Variants in KIF6 observed in about 807,000 individuals in gnomAD.
The protein encoded by KIF6 is kinesin family member 6, also known as kinesin-like protein KIF6.
Under a neutral mutation model 112.7 loss-of-function variants are expected in KIF6, and 106 were observed. That is an observed-to-expected ratio of 0.94 (90% CI 0.80 to 1.11). The LOEUF is 1.11. Ranked by LOEUF, KIF6 falls within the 50% of genes least tolerant of loss-of-function variation. KIF6 has a pLI of 0.00. For missense variants in KIF6, 929 were observed against 964.0 expected, an observed-to-expected ratio of 0.96 and a Z score of 0.48; for synonymous variants, 339 against 339.9, an observed-to-expected ratio of 1.00 and a Z score of 0.03.
At chr6:39,383,135 G>C (rs1188413118) in intron 16 of KIF6, among the ~76,000 whole-genome samples, 3 of 152,072 alleles carry the variant, frequency 2.0e-5, no homozygotes, top group Non-Finnish European at 2.9e-5. Context: ...TCTGTTGAGA[G>C]CTTCTTTTGC....
intron 3 of KIF6, among the ~76,000 whole-genome samples, chr6:39,647,025 T>C (rs1785203235): frequency 6.6e-6 from 1 of 152,236 alleles, no homozygotes; most frequent in Non-Finnish European, 1.5e-5. Flanking sequence ...ACTGTTTCAC[T>C]TTCAGAATAT....
At chr6:39,586,948 TGA>T (rs953930407) in intron 7 of KIF6, among the ~76,000 whole-genome samples, 5 of 152,132 alleles carry the variant, frequency 3.3e-5, no homozygotes, top group African/African-American at 1.2e-4. Flanking sequence ...CACAGGTAGT[TGA>T]GATGATTAAA....
chr6:39,714,934 G>A (rs936723217), intron 2 of KIF6, 168 bp from the exon 3 acceptor site: 10 of 591,440 alleles, frequency 1.7e-5, no homozygotes, highest in East Asian at 2.9e-5. Flanking sequence ...CTGTGCTGTT[G>A]TACTCCTGTA....
intron 13 of KIF6, among the ~76,000 whole-genome samples, chr6:39,440,907 A>G (rs1302754787): frequency 1.3e-5 from 2 of 152,214 alleles, no homozygotes; most frequent in Non-Finnish European, 2.9e-5. Context: ...ACAAGCCAGC[A>G]GCTTTGACGA....
intron 13 of KIF6, among the ~76,000 whole-genome samples, chr6:39,460,076 T>C: frequency 6.7e-6 from 1 of 149,220 alleles, no homozygotes; most frequent in East Asian, 2.0e-4. Flanking sequence ...CATGCACACG[T>C]ATGTTTATTG....
At chr6:39,358,287 C>T (rs1442477921) in intron 18 of KIF6, among the ~76,000 whole-genome samples, 1 of 152,242 alleles carries the variant, frequency 6.6e-6, no homozygotes, top group Non-Finnish European at 1.5e-5. Context: ...TTCTTGTCAC[C>T]TCTCTTGTTC....
intron 13 of KIF6, among the ~76,000 whole-genome samples, chr6:39,487,455 CA>C (rs1419153945): frequency 6.6e-6 from 1 of 152,164 alleles, no homozygotes; most frequent in Admixed American, 6.5e-5. Flanking sequence ...TCTGGAAGGC[CA>C]CCCTTTAGCT....
chr6:39,603,140 T>A (rs578245499), intron 6 of KIF6, among the ~76,000 whole-genome samples: 1 of 152,282 alleles, frequency 6.6e-6, no homozygotes, highest in South Asian at 2.1e-4. Context: ...CAAGTGAGTG[T>A]TTGGCGTCCT....
At chr6:39,379,193 TC>T (rs1320345137) in intron 16 of KIF6, among the ~76,000 whole-genome samples, 1 of 152,230 alleles carries the variant, frequency 6.6e-6, no homozygotes, top group Non-Finnish European at 1.5e-5. Context: ...TCTGGGTGCC[TC>T]TTTTTTGCTT....
At chr6:39,504,304 T>C (rs1194532911) in intron 13 of KIF6, among the ~76,000 whole-genome samples, 1 of 152,128 alleles carries the variant, frequency 6.6e-6, no homozygotes, top group African/African-American at 2.4e-5. Context: ...TAAAATTCAA[T>C]ATCCCTTCAT....
chr6:39,467,627 A>G lies in KIF6; in HGVS notation c.1646-36466T>C, dbSNP rs1005036176. ...CTAAGGGAAATTAGACTTCACTGAG[A>G]TAGTCCATCCAAGCCACTAGACGAA... On this transcript the variant is annotated intron_variant, in intron 13 of 22. Coordinates refer to ENST00000287152, the MANE Select transcript of KIF6 (RefSeq NM_145027.6). Among the ~76,000 whole-genome samples, 4 of 152,338 alleles carry G rather than the reference A, an allele frequency of 2.6e-5. No homozygotes were observed. In the East Asian group the frequency reaches 7.7e-4, roughly 29 times the overall value.
intron 16 of KIF6, among the ~76,000 whole-genome samples, chr6:39,377,480 G>A (rs146620525): frequency 1.2e-4 from 19 of 152,258 alleles, no homozygotes; most frequent in African/African-American, 4.6e-4. Context: ...GGAATAAATG[G>A]TTGACAGTCT....
At chr6:39,363,136 A>T (rs1214311501) in intron 16 of KIF6, among the ~76,000 whole-genome samples, 1 of 152,178 alleles carries the variant, frequency 6.6e-6, no homozygotes, top group Non-Finnish European at 1.5e-5. Context: ...GCAACAAGAG[A>T]GAAACTCCAT....
intron 16 of KIF6, among the ~76,000 whole-genome samples, chr6:39,362,848 C>T (rs1765266921): frequency 6.6e-6 from 1 of 152,184 alleles, no homozygotes; most frequent in South Asian, 2.1e-4. Flanking sequence ...TCCCCATCCT[C>T]TGATAAAGAG....
At chr6:39,437,449 T>C (rs994747597) in intron 13 of KIF6, among the ~76,000 whole-genome samples, 4 of 152,208 alleles carry the variant, frequency 2.6e-5, no homozygotes, top group African/African-American at 9.7e-5. Flanking sequence ...GCACACAAAA[T>C]ATCTTTTGAA....
chr6:39,560,368 C>T (rs547219679), intron 10 of KIF6, among the ~76,000 whole-genome samples: 10 of 152,174 alleles, frequency 6.6e-5, no homozygotes, highest in African/African-American at 2.4e-4. Context: ...CCTTAGGGGG[C>T]CAGAATTTGT....
At chr6:39,716,116 G>A (rs2113883495) in intron 2 of KIF6, among the ~76,000 whole-genome samples, 1 of 152,232 alleles carries the variant, frequency 6.6e-6, no homozygotes, top group Non-Finnish European at 1.5e-5. Context: ...AAATAAAAGA[G>A]ATAGCAGAAG....
chr6:39,714,759 T>C lies in KIF6; in HGVS notation c.184A>G (p.Arg62Gly), dbSNP rs1315277372. The C allele has an allele frequency of 6.2e-7, 1 of 1,608,682 alleles. No individual in the cohort carries two copies. The highest frequency in any genetic ancestry group is 2.2e-5 in the East Asian group (1 of 44,838). The change falls in exon 3 of 23, where the codon AGA becomes GGA. Residue 62 changes from arginine (R) to glycine (G), a missense_variant. By Grantham distance (125) the Arg-to-Gly change is moderately radical. Transcript: ENST00000287152. ...TGGTTTGCATCCTGATCAAAAATTC[T>C]TTGAAATCTGCAATGTGAAAAATAG... ...KRESYKFKFQ[R>G]IFDQDANQET... is the part of the protein sequence containing the mutation.
At position 39,518,243 on chromosome 6, in the gene KIF6, C is replaced by T. The variant is rs114667583; in HGVS notation, c.1645+21760G>A. Among the ~76,000 whole-genome samples the T allele has an allele frequency of 4.8e-3, 734 of 152,104 alleles. 5 individuals are homozygous for T. Among genetic ancestry groups the T allele is most frequent in the African/African-American group, 0.017 (688 of 41,528 alleles). ...GGTAAGATGAAAGAGCTAGTATGTG[C>T]ACATGTGTGCCTTGTGTGTGTATGT... On this transcript the variant is annotated intron_variant, in intron 13 of 22. Transcript: ENST00000287152.
Sources: allele counts gnomAD v4.1 joint callset (sites outside exome capture counted in the v4.1 genomes callset), GRCh38; gene constraint gnomAD v4.1.1; transcripts MANE v1.5; gene names NCBI Gene and HGNC (gene_info 2026-07-23, HGNC 2026-07-21).